TRA2A: variants seen among roughly 807,000 people sequenced by gnomAD.
TRA2A encodes transformer 2 alpha homolog, also known as transformer-2 protein homolog alpha.
A neutral mutation model predicts 45.7 loss-of-function variants in TRA2A; 31 were observed. The observed-to-expected ratio is 0.68, with a 90% confidence interval of 0.51 to 0.92. The LOEUF (loss-of-function observed/expected upper bound fraction) is 0.92, where lower values mean the gene tolerates loss of function less well. TRA2A is among the 40% of genes least tolerant of loss of function. The pLI is 0.00. For missense variants in TRA2A, 304 were observed against 367.5 expected (o/e 0.83, Z 1.41); for synonymous variants, 132 against 126.2 (o/e 1.05, Z -0.31).
intron 3 of TRA2A, among the ~76,000 whole-genome samples, chr7:23,515,702 C>T (rs548175690): frequency 6.6e-5 from 10 of 151,950 alleles, no homozygotes; most frequent in South Asian, 2.1e-4. Context: ...TAAGCCACCA[C>T]GCCTGGCTAA....
chr7:23,520,129 C>A (rs1342864582), intron 2 of TRA2A, among the ~76,000 whole-genome samples: 1 of 152,124 alleles, frequency 6.6e-6, no homozygotes, highest in East Asian at 1.9e-4. Flanking sequence ...GGCAGGAGAA[C>A]TGCTTGAACC....
rs182953465 is a variant in TRA2A, at chr7:23,518,395, G to T, written c.171-1867C>A. On this transcript the variant is annotated intron_variant, in intron 2 of 7. Coordinates refer to ENST00000297071, the MANE Select transcript of TRA2A (RefSeq NM_013293.5). ...CTCACTTCTTCACCCAGGCTGGAGTGCAATGGCACAATCTCAGCTCACTGC... is the reference window on the plus strand; with the variant it reads ...CTCACTTCTTCACCCAGGCTGGAGTTCAATGGCACAATCTCAGCTCACTGC... 9.9e-4 allele frequency among the ~76,000 whole-genome samples: 150 copies of T among 152,262 alleles called. 1 individual carries two copies. The highest frequency in any genetic ancestry group is 2.3e-3 in the South Asian group (11 of 4,828).
At chr7:23,507,577 T>C (rs1185041433) in intron 4 of TRA2A, 42 bp from the exon 5 acceptor site, 3 of 1,349,796 alleles carry the variant, frequency 2.2e-6, no homozygotes, top group Non-Finnish European at 2.1e-6. Flanking sequence ...AATTCACCAG[T>C]CTTGAAGTAA....
chr7:23,520,683 A>AT (rs11346990), intron 2 of TRA2A, among the ~76,000 whole-genome samples: 5,135 of 129,688 alleles, frequency 0.04, 111 homozygotes, highest in Non-Finnish European at 0.046. Flanking sequence ...GCTGTTTTAA[A>AT]TTTTTTTTTT....
At chr7:23,526,728 A>G (rs779552779) in intron 1 of TRA2A, among the ~76,000 whole-genome samples, 61 of 152,220 alleles carry the variant, frequency 4.0e-4, no homozygotes, top group Non-Finnish European at 6.9e-4. Flanking sequence ...AAAAGAAGAT[A>G]GCGACTGCTC....
chr7:23,513,166 T>C (rs1180791241), intron 3 of TRA2A, 84 bp from the exon 4 acceptor site: 3 of 874,964 alleles, frequency 3.4e-6, no homozygotes, highest in Non-Finnish European at 5.2e-6. Flanking sequence ...GAACACCTCA[T>C]CTAATACACA....
chr7:23,523,875 T>TCC (rs1222001300), intron 1 of TRA2A, among the ~76,000 whole-genome samples: 1 of 152,198 alleles, frequency 6.6e-6, no homozygotes, highest in African/African-American at 2.4e-5. Flanking sequence ...AAGAGTATCT[T>TCC]CCCCTCTTCT....
intron 6 of TRA2A, 74 bp from the exon 7 acceptor site, chr7:23,505,887 A>C: frequency 1.1e-6 from 1 of 930,664 alleles, no homozygotes; most frequent in East Asian, 2.6e-5. Context: ...AAAATTCCTC[A>C]TCATTCAAAA....
chr7:23,505,811 C>G lies in TRA2A; in HGVS notation c.773G>C (p.Arg258Thr). The G allele has an allele frequency of 1.3e-6, 2 of 1,532,312 alleles. No individual in the cohort carries two copies. The highest frequency in any genetic ancestry group is 1.8e-6 in the Non-Finnish European group (2 of 1,142,572). The allele number at this position is 1,532,312 out of a possible 1,614,324, so 94.9% of individuals were successfully genotyped here. A position where few individuals can be genotyped will look rare whatever the true frequency, so the allele number is the denominator to read the frequency against. ...ACTATAATAAGGAGAAGGTGATCGT[C>G]TTCTGTAAGAAATGAAAGATTACTT... ...RYEDYDYRYR[R>T]RSPSPYYSRY... Residue 258 changes from arginine (R) to threonine (T), a missense_variant and splice_region_variant, in exon 7 of 8, where the codon AGA becomes ACA. By Grantham distance (71) the Arg-to-Thr change is moderately conservative. This residue lies in a region of TRA2A where 42 missense variants were observed against 37.0 expected (regional missense o/e 1.14). Coordinates refer to ENST00000297071, the MANE Select transcript of TRA2A (RefSeq NM_013293.5).
At chr7:23,509,964 T>G (rs1789521155) in intron 4 of TRA2A, among the ~76,000 whole-genome samples, 1 of 152,216 alleles carries the variant, frequency 6.6e-6, no homozygotes, top group East Asian at 1.9e-4. Context: ...AGGCGGAAGT[T>G]GCAGTGAGCT....
At chr7:23,505,983 A>G in intron 6 of TRA2A, 155 bp downstream of exon 6, 9 of 725,904 alleles carry the variant, frequency 1.2e-5, no homozygotes, top group South Asian at 2.4e-5. Context: ...ACAACAAAAT[A>G]CTGACATATA....
At chr7:23,515,932 T>C (rs1382992396) in intron 3 of TRA2A, among the ~76,000 whole-genome samples, 1 of 150,148 alleles carries the variant, frequency 6.7e-6, no homozygotes, top group African/African-American at 2.4e-5. Context: ...CCCAGCACTT[T>C]GGGAGGCCAA....
chr7:23,516,741 T>C (rs1789888346), intron 2 of TRA2A, among the ~76,000 whole-genome samples: 1 of 151,264 alleles, frequency 6.6e-6, no homozygotes, highest in African/African-American at 2.4e-5. Context: ...CACCTAACCT[T>C]ACAAAAATGT....
In TRA2A at chr7:23,507,405, A is replaced by G; in HGVS notation, c.641+15T>C. 1 of 1,598,196 alleles carries G rather than the reference A, an allele frequency of 6.3e-7. No individual in the cohort carries two copies. The highest frequency in any genetic ancestry group is 8.6e-7 in the Non-Finnish European group (1 of 1,166,784). On this transcript the variant is annotated intron_variant, in intron 5 of 7. Transcript: ENST00000297071. ...GTGGATTTCATAGTTTAGCTTAGGA[A>G]ACTTGAACTCTTACTGAGTTGGTCT...
chr7:23,506,468 C>G (rs1008394452), intron 5 of TRA2A: 3 of 487,736 alleles, frequency 6.2e-6, no homozygotes, highest in African/African-American at 5.8e-5. Flanking sequence ...AAGGGCTTCA[C>G]AAAACTCTCA....
chr7:23,521,880 T>G (rs758336568), intron 1 of TRA2A, 40 bp from the exon 2 acceptor site: 1 of 1,612,766 alleles, frequency 6.2e-7, no homozygotes, highest in Non-Finnish European at 8.5e-7. Context: ...ACTGGTCATG[T>G]AGATGCCTAA....
chr7:23,510,768 T>C (rs566719104), intron 4 of TRA2A, among the ~76,000 whole-genome samples: 2 of 152,276 alleles, frequency 1.3e-5, no homozygotes, highest in African/African-American at 4.8e-5. Flanking sequence ...AGCTCAGATA[T>C]CCTAGTATTT....
At chr7:23,524,936 C>T (rs1052268447) in intron 1 of TRA2A, among the ~76,000 whole-genome samples, 9 of 152,004 alleles carry the variant, frequency 5.9e-5, no homozygotes, top group East Asian at 1.9e-4. Context: ...TTGATCTGCC[C>T]GCCTTGGCCT....
intron 3 of TRA2A, among the ~76,000 whole-genome samples, chr7:23,514,982 A>T (rs759890944): frequency 1.3e-5 from 2 of 152,202 alleles, no homozygotes; most frequent in Non-Finnish European, 2.9e-5. Context: ...AAACTAAACC[A>T]AAACCAAAAC....
Sources: gnomAD v4.1 joint callset for allele counts (sites outside exome capture counted in the v4.1 genomes callset) on GRCh38, gnomAD v4.1.1 for gene constraint, gnomAD v4.1.1 regional missense constraint, MANE v1.5 for transcripts, NCBI Gene and HGNC (gene_info 2026-07-23, HGNC 2026-07-21) for gene names.